The following LTBP1 variants were observed in gnomAD, a reference collection of about 807,000 sequenced individuals.
The protein encoded by LTBP1 is latent-transforming growth factor beta-binding protein 1.
In LTBP1, 129 loss-of-function variants were observed where a neutral mutation model predicts 207.6. The ratio of observed to expected loss-of-function variants is 0.62; its 90% CI spans 0.54 to 0.72. The LOEUF (loss-of-function observed/expected upper bound fraction) is 0.72. LTBP1 is among the 30% of genes least tolerant of loss of function. The pLI is 0.00. For synonymous variants in LTBP1, 963 were observed against 833.7 expected (o/e 1.16, Z -2.67); for missense variants, 2,281 against 2,217.2 (o/e 1.03, Z -0.58).
In LTBP1 at chr2:33,182,743, T is replaced by C. The variant is rs201699283; in HGVS notation, c.1202-4113T>C. 8.8e-5 allele frequency among the ~76,000 whole-genome samples: 10 copies of C among 113,852 alleles called. 1 individual carries two copies. Among genetic ancestry groups the C allele is most frequent in the African/African-American group, 3.1e-4 (7 of 22,748 alleles). 74.7% of individuals were successfully genotyped at this position (113,852 alleles called of 152,430 possible). A position where few individuals can be genotyped will look rare whatever the true frequency, so the allele number is the denominator to read the frequency against. ...ACACACACACACACACACAGACATA[T>C]ATATGTATGTATGTGTACACATACA... On this transcript the variant is annotated intron_variant, in intron 5 of 33. Transcript: ENST00000404816.
intron 31 of LTBP1, among the ~76,000 whole-genome samples, chr2:33,368,092 A>C (rs1460917063): frequency 6.6e-6 from 1 of 152,106 alleles, no homozygotes; most frequent in Non-Finnish European, 1.5e-5. Flanking sequence ...CTGTAATCTC[A>C]GCTACTCAGG....
chr2:32,962,558 A>T (rs188429239), intron 2 of LTBP1, among the ~76,000 whole-genome samples: 24 of 152,350 alleles, frequency 1.6e-4, no homozygotes, highest in Admixed American at 1.3e-3. Flanking sequence ...CGAGTGGAAG[A>T]CCAGCTGAAA....
intron 4 of LTBP1, among the ~76,000 whole-genome samples, chr2:33,126,587 A>G (rs1045105725): frequency 4.6e-5 from 7 of 152,278 alleles, no homozygotes; most frequent in Admixed American, 2.0e-4. Context: ...TGGAAAACTT[A>G]GAGTGTACAA....
intron 2 of LTBP1, among the ~76,000 whole-genome samples, chr2:33,006,464 C>T (rs61611713): frequency 2.0e-5 from 3 of 149,480 alleles, no homozygotes; most frequent in Non-Finnish European, 4.4e-5. Context: ...GCTCACTGCA[C>T]CCTCCGCCTC....
intron 26 of LTBP1, 124 bp downstream of exon 26, chr2:33,347,634 T>G (rs1029176249): frequency 1.2e-5 from 14 of 1,138,864 alleles, no homozygotes; most frequent in Non-Finnish European, 1.8e-5. Context: ...CACAGTGCTG[T>G]CTCTGGAAGC....
chr2:33,313,374 C>T lies in LTBP1; in HGVS notation c.3605-1770C>T, dbSNP rs58253711. Among the ~76,000 whole-genome samples, 955 of 152,244 alleles carry T rather than the reference C, an allele frequency of 6.3e-3. 10 individuals are homozygous for T. Among genetic ancestry groups the T allele is most frequent in the Middle Eastern group, 0.027 (8 of 294 alleles). ...AATAATTGCCAGAATTTCTGTTGCA[C>T]GGGAAGATCAACAAGTCAAAAAGAA... On this transcript the variant is annotated intron_variant, in intron 23 of 33. Coordinates refer to ENST00000404816, the MANE Select transcript of LTBP1 (RefSeq NM_206943.4).
chr2:32,987,883 AC>A (rs1683841093), intron 2 of LTBP1, among the ~76,000 whole-genome samples: 1 of 152,166 alleles, frequency 6.6e-6, no homozygotes, highest in Non-Finnish European at 1.5e-5. Context: ...TGGCACAAAT[AC>A]TTTGAAGATG....
intron 5 of LTBP1, among the ~76,000 whole-genome samples, chr2:33,184,781 G>T (rs1209688133): frequency 3.7e-5 from 5 of 136,388 alleles, no homozygotes; most frequent in Admixed American, 7.3e-5. Context: ...AGTATTTTCT[G>T]TTTTTTTTTT....
Position 33,309,415 on chromosome 2 carries a change from T to A in LTBP1, c.3482-19T>A. 1.9e-6 allele frequency: 3 copies of A among 1,574,482 alleles called. No homozygotes were observed. The highest frequency in any genetic ancestry group is 1.2e-5 in the South Asian group (1 of 83,948). Reference sequence around the variant, plus strand: ...ATGTGATTTATTTAGTCTTTAAAAATTTTTAAATTGGTTTTTAGATATCAA... The same window carrying A: ...ATGTGATTTATTTAGTCTTTAAAAAATTTTAAATTGGTTTTTAGATATCAA... On this transcript the variant is annotated intron_variant, in intron 22 of 33. Transcript: ENST00000404816.
intron 2 of LTBP1, among the ~76,000 whole-genome samples, chr2:32,990,839 TAA>T (rs1017452047): frequency 1.3e-5 from 2 of 152,230 alleles, no homozygotes; most frequent in East Asian, 1.9e-4. Flanking sequence ...ATGGTGGATG[TAA>T]AAGTTTTCCA....
rs559284790 is a variant in LTBP1 at position 33,292,420 on chromosome 2, G to T, written c.3113-740G>T. On this transcript the variant is annotated intron_variant, in intron 19 of 33. Coordinates refer to ENST00000404816, the MANE Select transcript of LTBP1 (RefSeq NM_206943.4). ...TCAGAACCACCATTTTCTATGTGGC[G>T]TTGGGCTGGTTATTGAACTTCTCTA... is the stretch of plus-strand genomic sequence containing the variant. Among the ~76,000 whole-genome samples the T allele has an allele frequency of 2.6e-4, 40 of 152,320 alleles. 1 individual carries two copies. Among genetic ancestry groups the T allele is most frequent in the Middle Eastern group, 6.8e-3 (2 of 294 alleles).
chr2:33,078,730 G>C (rs186082194), intron 3 of LTBP1, among the ~76,000 whole-genome samples: 3 of 152,138 alleles, frequency 2.0e-5, no homozygotes, highest in African/African-American at 7.2e-5. Flanking sequence ...ATTTAAGAGT[G>C]GCATATCACT....
intron 25 of LTBP1, 51 bp from the exon 26 acceptor site, chr2:33,347,316 G>A: frequency 6.2e-7 from 1 of 1,609,582 alleles, no homozygotes; most frequent in Non-Finnish European, 8.5e-7. Context: ...AAAATAGAGA[G>A]CTGTCGTGAA....
At chr2:33,046,400 A>C (rs1452937128) in intron 3 of LTBP1, among the ~76,000 whole-genome samples, 1 of 152,180 alleles carries the variant, frequency 6.6e-6, no homozygotes, top group South Asian at 2.1e-4. Flanking sequence ...GGTTCTGTTT[A>C]TGTGATGGAT....
Position 33,382,111 on chromosome 2 carries a change from T to TTTTTTTTTTTTTTTTTTG in LTBP1, c.4712-7072_4712-7071insTTTTTTTTTTTTTTTTGT, listed in dbSNP as rs1553316521. On this transcript the variant is annotated intron_variant, in intron 31 of 33. Coordinates refer to ENST00000404816, the MANE Select transcript of LTBP1 (RefSeq NM_206943.4). ...TTTTTTTTTTTTTTTTTTTTTTTTT[T>TTTTTTTTTTTTTTTTTTG]TGAGACAGAGTCTCGCTCTGTTGCC... is the stretch of plus-strand genomic sequence containing the variant. 7.7e-5 allele frequency among the ~76,000 whole-genome samples: 8 copies of TTTTTTTTTTTTTTTTTTG among 103,622 alleles called. 2 individuals carry two copies. The highest frequency in any genetic ancestry group is 3.9e-4 in the African/African-American group (8 of 20,638). The allele number at this position is 103,622 out of a possible 152,430, so 68.0% of individuals were successfully genotyped here.
intron 9 of LTBP1, among the ~76,000 whole-genome samples, chr2:33,226,017 A>G (rs2091415596): frequency 6.6e-6 from 1 of 152,232 alleles, no homozygotes; most frequent in Non-Finnish European, 1.5e-5. Flanking sequence ...TATCTTGGCT[A>G]TTATGACTGG....
intron 5 of LTBP1, among the ~76,000 whole-genome samples, chr2:33,164,803 T>G (rs2084783446): frequency 6.6e-6 from 1 of 152,210 alleles, no homozygotes; most frequent in Non-Finnish European, 1.5e-5. Context: ...TTCACAGCAG[T>G]TTTCTAGGTA....
At chr2:33,301,965 C>CT (rs2093995897) in intron 22 of LTBP1, among the ~76,000 whole-genome samples, 1 of 152,234 alleles carries the variant, frequency 6.6e-6, no homozygotes, top group Admixed American at 6.5e-5. Flanking sequence ...GCAGAACCAA[C>CT]TTCTAAATGT....
intron 5 of LTBP1, among the ~76,000 whole-genome samples, chr2:33,147,251 A>T (rs1258988604): frequency 2.0e-5 from 3 of 152,192 alleles, no homozygotes; most frequent in Non-Finnish European, 4.4e-5. Context: ...AATGTAGGCA[A>T]TTGTTATACT....
Sources: gnomAD v4.1 joint callset for allele counts (sites outside exome capture counted in the v4.1 genomes callset) on GRCh38, gnomAD v4.1.1 for gene constraint, MANE v1.5 for transcripts, NCBI Gene and HGNC (gene_info 2026-07-23, HGNC 2026-07-21) for gene names.